LDLRAD3: variants seen among roughly 807,000 people sequenced by gnomAD.
The protein encoded by LDLRAD3 is low-density lipoprotein receptor class A domain-containing protein 3.
Under a neutral mutation model 29.4 loss-of-function variants are expected in LDLRAD3, and 20 were observed. The observed-to-expected ratio is 0.68, with a 90% confidence interval of 0.48 to 0.99. The LOEUF (loss-of-function observed/expected upper bound fraction) is 0.99. Ranked by LOEUF, LDLRAD3 falls within the 50% of genes least tolerant of loss-of-function variation. The pLI is 0.00. For missense variants in LDLRAD3, 420 were observed against 454.3 expected, an observed-to-expected ratio of 0.92 and a Z score of 0.69; for synonymous variants, 157 against 192.7, an observed-to-expected ratio of 0.81 and a Z score of 1.53.
intron 3 of LDLRAD3, among the ~76,000 whole-genome samples, chr11:36,086,241 C>T (rs915129318): frequency 2.0e-5 from 3 of 152,134 alleles, no homozygotes; most frequent in Non-Finnish European, 4.4e-5. Context: ...ACATCTGTGT[C>T]ATCTTGGCAT....
chr11:36,162,213 AG>A (rs1269139384), intron 4 of LDLRAD3, among the ~76,000 whole-genome samples: 1 of 152,170 alleles, frequency 6.6e-6, no homozygotes, highest in African/African-American at 2.4e-5. Flanking sequence ...GTTGAGTTGG[AG>A]GAGCATCAAA....
At position 35,944,171 on chromosome 11, in the gene LDLRAD3, T is replaced by G. The variant is rs1851024141; in HGVS notation, c.46+27T>G. On this transcript the variant is annotated intron_variant, in intron 1 of 5. Coordinates refer to ENST00000315571, the MANE Select transcript of LDLRAD3 (RefSeq NM_174902.4). The surrounding 1 kb of genome is among the most constrained non-coding windows in gnomAD (Gnocchi z 4.9). ...TGAGTCGGGGGGCGGCCGGCGAACTTCCCGCGGGGCGCGGGGCGCGGGGCG... is the reference window on the plus strand; with the variant it reads ...TGAGTCGGGGGGCGGCCGGCGAACTGCCCGCGGGGCGCGGGGCGCGGGGCG... The G allele has an allele frequency of 4.0e-6, 4 of 989,370 alleles. No individual in the cohort carries two copies. Among genetic ancestry groups the G allele is most frequent in the Non-Finnish European group, 4.8e-6 (4 of 831,908 alleles). 61.3% of individuals were successfully genotyped at this position (989,370 alleles called of 1,614,324 possible).
rs1308453114 is a variant in LDLRAD3 at position 36,168,320 on chromosome 11, A to AT, written c.455-58760dup. ...GCATAGCACTAAGCTTGAGCATGCA[A>AT]TTTTTGGTGCCTCCCTGATGCTTGT... On this transcript the variant is annotated intron_variant, in intron 4 of 5. Transcript: ENST00000315571. Among the ~76,000 whole-genome samples, 3 of 152,234 alleles carry AT rather than the reference A, an allele frequency of 2.0e-5. No homozygotes were observed. The East Asian group carries it at 5.8e-4, about 29-fold the overall frequency.
At chr11:36,087,051 T>C (rs1853206854) in intron 3 of LDLRAD3, among the ~76,000 whole-genome samples, 2 of 152,194 alleles carry the variant, frequency 1.3e-5, no homozygotes, top group Admixed American at 6.5e-5. Context: ...CAGGGGAATA[T>C]GTTAATGACC....
chr11:36,191,355 T>C (rs1854938869), intron 4 of LDLRAD3, among the ~76,000 whole-genome samples: 1 of 151,872 alleles, frequency 6.6e-6, no homozygotes, highest in Non-Finnish European at 1.5e-5. Flanking sequence ...CTGAACAACA[T>C]ACTGAGACCC....
intron 1 of LDLRAD3, among the ~76,000 whole-genome samples, chr11:35,951,068 T>C (rs1027147743): frequency 2.6e-5 from 4 of 151,940 alleles, no homozygotes; most frequent in African/African-American, 9.7e-5. Context: ...GGTGACATAG[T>C]GAGACTCTGT....
chr11:36,208,426 TC>T (rs1276502337), intron 4 of LDLRAD3, among the ~76,000 whole-genome samples: 2 of 152,178 alleles, frequency 1.3e-5, no homozygotes, highest in African/African-American at 4.8e-5. Flanking sequence ...TATTGCTGCA[TC>T]CTCTAGCGAT....
In LDLRAD3 at chr11:35,956,125, A is replaced by C. The variant is rs1401945414; in HGVS notation, c.46+11981A>C. Among the ~76,000 whole-genome samples, 2 of 152,244 alleles carry C rather than the reference A, an allele frequency of 1.3e-5. 1 individual carries two copies. The highest frequency in any genetic ancestry group is 4.1e-4 in the South Asian group (2 of 4,838). ...GGCCTCTCATATGGATGGAAAGAGG[A>C]TGTAAAGGTTACTGAGGAGAAGGTG... On this transcript the variant is annotated intron_variant, in intron 1 of 5. Transcript: ENST00000315571.
chr11:36,208,839 C>G (rs934035994), intron 4 of LDLRAD3, among the ~76,000 whole-genome samples: 1 of 152,152 alleles, frequency 6.6e-6, no homozygotes, highest in African/African-American at 2.4e-5. Context: ...ATGATGAATG[C>G]TAAAATTAGT....
intron 2 of LDLRAD3, among the ~76,000 whole-genome samples, chr11:36,044,884 G>T (rs913837669): frequency 6.6e-6 from 1 of 152,202 alleles, no homozygotes; most frequent in African/African-American, 2.4e-5. Context: ...AGCTCTGCTG[G>T]AGCCCTGCAC....
At chr11:36,180,479 G>A (rs1240696122) in intron 4 of LDLRAD3, among the ~76,000 whole-genome samples, 1 of 152,158 alleles carries the variant, frequency 6.6e-6, no homozygotes, top group Non-Finnish European at 1.5e-5. Context: ...AAGTAGGAAG[G>A]TGCTCAAGGA....
At chr11:36,186,006 AG>A (rs764254835) in intron 4 of LDLRAD3, among the ~76,000 whole-genome samples, 1 of 152,230 alleles carries the variant, frequency 6.6e-6, no homozygotes, top group Non-Finnish European at 1.5e-5. Flanking sequence ...AGCTCTAGCC[AG>A]GGAGACAGGA....
At position 36,227,291 on chromosome 11, in the gene LDLRAD3, G is replaced by A. The variant is rs764349508; in HGVS notation, c.661G>A (p.Val221Met). 6.2e-7 allele frequency: 1 copy of A among 1,614,046 alleles called. No homozygotes were observed. The highest frequency in any genetic ancestry group is 2.2e-5 in the East Asian group (1 of 44,872). The change falls in exon 5 of 6, where the codon GTG becomes ATG. Residue 221 changes from valine (V) to methionine (M), a missense_variant. Around this residue, in one of 3 missense-constraint regions of LDLRAD3, gnomAD observed 56 missense variants for 92.2 expected, o/e 0.61. Transcript: ENST00000315571. ...GCACCCTGTGCTGCTGTCCCGCCTGGTGGTCCTGGACCACCCCCACCACTG... is the reference window on the plus strand; with the variant it reads ...GCACCCTGTGCTGCTGTCCCGCCTGATGGTCCTGGACCACCCCCACCACTG... ...LQHPVLLSRL[V>M]VLDHPHHCNV...
intron 1 of LDLRAD3, among the ~76,000 whole-genome samples, chr11:36,021,212 T>C (rs1182669433): frequency 6.6e-6 from 1 of 152,054 alleles, no homozygotes; most frequent in African/African-American, 2.4e-5. Flanking sequence ...GAGAACTGAA[T>C]TGGCGGTGTT....
chr11:36,000,688 A>C (rs1037147718), intron 1 of LDLRAD3, among the ~76,000 whole-genome samples: 4 of 152,118 alleles, frequency 2.6e-5, no homozygotes, highest in Non-Finnish European at 5.9e-5. Context: ...ATCCTGGATG[A>C]TGAAAGTAGG....
At chr11:35,956,959 TCTC>T (rs1307106317) in intron 1 of LDLRAD3, among the ~76,000 whole-genome samples, 2 of 152,306 alleles carry the variant, frequency 1.3e-5, no homozygotes, top group South Asian at 2.1e-4. Flanking sequence ...ATGATCTCGA[TCTC>T]CTGACCTCGT....
At chr11:36,097,741 A>C (rs191116705) in intron 3 of LDLRAD3, among the ~76,000 whole-genome samples, 1 of 152,208 alleles carries the variant, frequency 6.6e-6, no homozygotes, top group Non-Finnish European at 1.5e-5. Flanking sequence ...TGAGTAATGG[A>C]CACCTGAATA....
intron 1 of LDLRAD3, among the ~76,000 whole-genome samples, chr11:36,033,168 C>T (rs532978452): frequency 3.6e-4 from 55 of 152,268 alleles, no homozygotes; most frequent in East Asian, 7.7e-4. Context: ...CTACCGTTAC[C>T]GGCCCTCCTC....
chr11:36,104,304 G>T (rs1853494765), intron 4 of LDLRAD3, among the ~76,000 whole-genome samples: 1 of 152,202 alleles, frequency 6.6e-6, no homozygotes, highest in Non-Finnish European at 1.5e-5. Context: ...TGCAGCCCCG[G>T]CTGACACGCC....
Sources: allele counts gnomAD v4.1 joint callset (sites outside exome capture counted in the v4.1 genomes callset), GRCh38; gene constraint gnomAD v4.1.1; regional missense constraint gnomAD v4.1.1; non-coding constraint Gnocchi (gnomAD v3.1); transcripts MANE v1.5; gene names NCBI Gene and HGNC (gene_info 2026-07-23, HGNC 2026-07-21).